Variants in EXOC2 observed in about 807,000 individuals in gnomAD.
The protein encoded by EXOC2 is SEC5-like 1.
EXOC2 carries 70 observed loss-of-function variants against 131.8 expected under a neutral mutation model. That is an observed-to-expected ratio of 0.53 (90% confidence interval 0.44 to 0.65). The LOEUF (loss-of-function observed/expected upper bound fraction) is 0.65. EXOC2 is among the 30% of genes least tolerant of loss of function. EXOC2 has a pLI of 0.00. For synonymous variants in EXOC2, 411 were observed against 398.4 expected (o/e 1.03, Z -0.38); for missense variants, 923 against 1,108.6 (o/e 0.83, Z 2.38).
intron 7 of EXOC2, among the ~76,000 whole-genome samples, chr6:609,384 T>C (rs2127661587): frequency 6.6e-6 from 1 of 152,368 alleles, no homozygotes; most frequent in Admixed American, 6.5e-5. Flanking sequence ...TCCTATCAAA[T>C]GTAAACTATA....
chr6:565,966 T>A (rs980978536), intron 13 of EXOC2, among the ~76,000 whole-genome samples: 1 of 152,206 alleles, frequency 6.6e-6, no homozygotes, highest in Non-Finnish European at 1.5e-5. Context: ...CAGACAAACC[T>A]GACAAAAAAA....
At chr6:639,172 G>A (rs1292807849) in intron 1 of EXOC2, among the ~76,000 whole-genome samples, 1 of 152,182 alleles carries the variant, frequency 6.6e-6, no homozygotes, top group African/African-American at 2.4e-5. Flanking sequence ...GAGACCCCCA[G>A]CACAGCAGAG....
chr6:562,965 T>C, intron 16 of EXOC2, 120 bp from the exon 17 acceptor site: 1 of 586,452 alleles, frequency 1.7e-6, no homozygotes, highest in Non-Finnish European at 2.7e-6. Flanking sequence ...AAAAACTCGA[T>C]GAAAGTAGGC....
intron 1 of EXOC2, chr6:656,301 A>G (rs757692573): frequency 6.2e-7 from 1 of 1,614,174 alleles, no homozygotes; most frequent in South Asian, 1.1e-5. Flanking sequence ...AGGCACACCC[A>G]CAGCCGACTG....
At chr6:591,708 T>TC (rs1020311836) in intron 11 of EXOC2, among the ~76,000 whole-genome samples, 22 of 152,160 alleles carry the variant, frequency 1.4e-4, no homozygotes, top group Admixed American at 1.2e-3. Flanking sequence ...TTGTCTGTTG[T>TC]CCTGACTACT....
intron 11 of EXOC2, among the ~76,000 whole-genome samples, chr6:581,286 ACT>A (rs10568216): frequency 0.092 from 13,153 of 143,204 alleles, 1,162 homozygotes; most frequent in East Asian, 0.34. Context: ...ACAGAGCGAG[ACT>A]CTGTCTCAAA....
chr6:614,612 T>G (rs543127672), intron 6 of EXOC2, among the ~76,000 whole-genome samples: 5 of 152,262 alleles, frequency 3.3e-5, no homozygotes, highest in African/African-American at 1.2e-4. Flanking sequence ...CTTATAAATA[T>G]ATTATCATCA....
intron 22 of EXOC2, among the ~76,000 whole-genome samples, chr6:533,740 G>A (rs1766249841): frequency 6.6e-6 from 1 of 152,156 alleles, no homozygotes; most frequent in African/African-American, 2.4e-5. Context: ...GGAGGATATG[G>A]GAAGTCTGGG....
intron 1 of EXOC2, among the ~76,000 whole-genome samples, chr6:644,728 T>A (rs185604605): frequency 2.0e-5 from 3 of 152,244 alleles, no homozygotes; most frequent in Admixed American, 2.0e-4. Context: ...ATAAAATTTT[T>A]TAAATTTTGA....
intron 1 of EXOC2, among the ~76,000 whole-genome samples, chr6:683,912 G>GC (rs1217761720): frequency 1.3e-5 from 2 of 152,252 alleles, no homozygotes; most frequent in African/African-American, 4.8e-5. Flanking sequence ...GGAAAGGACA[G>GC]CCCAGAGTTC....
intron 11 of EXOC2, among the ~76,000 whole-genome samples, chr6:581,215 G>T (rs1311033309): frequency 1.3e-5 from 2 of 151,442 alleles, no homozygotes; most frequent in Non-Finnish European, 2.9e-5. Flanking sequence ...AGAACTGCTT[G>T]TACCTGGGAG....
At position 617,674 on chromosome 6, in the gene EXOC2, G is replaced by A. The variant is rs372078940; in HGVS notation, c.661+37C>T. On this transcript the variant is annotated intron_variant, in intron 6 of 27. Transcript: ENST00000230449. ...GCAGGCAGTGCCGGGTTTCCATGGC[G>A]GAAGCTGCCAGCAGATGGCTCTGAG... 34 of 1,595,632 alleles carry A rather than the reference G, an allele frequency of 2.1e-5. 1 individual carries two copies. Among genetic ancestry groups the A allele is most frequent in the African/African-American group, 1.1e-4 (8 of 74,570 alleles).
At chr6:657,660 TAATA>T (rs1485922787) in intron 1 of EXOC2, among the ~76,000 whole-genome samples, 1 of 151,970 alleles carries the variant, frequency 6.6e-6, no homozygotes, top group African/African-American at 2.4e-5. Context: ...TTTAAAATCC[TAATA>T]AATATTCTCA....
intron 17 of EXOC2, among the ~76,000 whole-genome samples, chr6:559,512 C>A (rs899115634): frequency 1.3e-5 from 2 of 152,178 alleles, no homozygotes; most frequent in Non-Finnish European, 2.9e-5. Context: ...TGACTCCAGA[C>A]GTGCTATTTC....
rs1306897081 is a variant in EXOC2, at chr6:486,004, G to C, written c.*667C>G. ...TGTAGTGACGCACGACAAATTAAGA[G>C]TGAGTGAGAATGAAAGCTCATGCTT... On this transcript the variant is annotated 3_prime_UTR_variant, in exon 28 of 28. Transcript: ENST00000230449. 2 of 152,142 alleles carry C rather than the reference G, an allele frequency of 1.3e-5. No individual in the cohort carries two copies. 9.4% of individuals were successfully genotyped at this position (152,142 alleles called of 1,614,324 possible).
chr6:547,013 T>C (rs1756901238), intron 22 of EXOC2, among the ~76,000 whole-genome samples: 1 of 152,248 alleles, frequency 6.6e-6, no homozygotes, highest in Non-Finnish European at 1.5e-5. Context: ...AAAATGTAAT[T>C]TTGAGTCCTG....
chr6:640,704 C>T (rs370094674), intron 1 of EXOC2, among the ~76,000 whole-genome samples: 1 of 152,112 alleles, frequency 6.6e-6, no homozygotes. Flanking sequence ...TGTCTACAAG[C>T]CAAGGAGAGA....
At chr6:580,370 C>T (rs1203912006) in intron 11 of EXOC2, among the ~76,000 whole-genome samples, 1 of 152,072 alleles carries the variant, frequency 6.6e-6, no homozygotes, top group African/African-American at 2.4e-5. Flanking sequence ...CCCGTAACAA[C>T]ATAAAATTGT....
At chr6:606,411 T>C (rs1760414572) in intron 7 of EXOC2, among the ~76,000 whole-genome samples, 1 of 151,560 alleles carries the variant, frequency 6.6e-6, no homozygotes, top group African/African-American at 2.4e-5. Flanking sequence ...GAACTTAAAG[T>C]ATAATAATAA....
Sources: gnomAD v4.1 joint callset for allele counts (sites outside exome capture counted in the v4.1 genomes callset) on GRCh38, gnomAD v4.1.1 for gene constraint, MANE v1.5 for transcripts, NCBI Gene and HGNC (gene_info 2026-07-23, HGNC 2026-07-21) for gene names.